Variants in ACCSL observed in about 807,000 individuals in gnomAD.
The protein encoded by ACCSL is probable inactive 1-aminocyclopropane-1-carboxylate synthase-like protein 2.
ACCSL carries 55 observed loss-of-function variants against 61.7 expected under a neutral mutation model. The observed-to-expected ratio is 0.89, with a 90% confidence interval of 0.72 to 1.12. The LOEUF is 1.12. Ranked by LOEUF, ACCSL falls within the 50% of genes most tolerant of loss-of-function variation. The probability of loss-of-function intolerance (pLI) is 0.00; values close to 1 mark genes in which losing one functional copy is unlikely to be tolerated. For missense variants in ACCSL, 632 were observed against 698.0 expected, an observed-to-expected ratio of 0.91 and a Z score of 1.07; for synonymous variants, 258 against 264.3, an observed-to-expected ratio of 0.98 and a Z score of 0.23.
intron 11 of ACCSL, 110 bp downstream of exon 11, chr11:44,056,436 C>A (rs2134775628): frequency 7.4e-7 from 1 of 1,354,110 alleles, no homozygotes; most frequent in Non-Finnish European, 9.9e-7. Flanking sequence ...GACCCTATTT[C>A]CTGTCTCAGA....
At chr11:43,971,709 A>C in the ACCSL span, among the ~76,000 whole-genome samples, 6 of 152,174 alleles carry the variant, frequency 3.9e-5, no homozygotes, top group Non-Finnish European at 8.8e-5. Context: ...ACTAGGTGTG[A>C]AGGTCCTGTC....
At chr11:44,013,655 T>C in the ACCSL span, among the ~76,000 whole-genome samples, 4 of 152,344 alleles carry the variant, frequency 2.6e-5, no homozygotes, top group South Asian at 2.1e-4. Flanking sequence ...TATGAAAATA[T>C]ATTACGTATT....
At chr11:43,926,328 C>T in the ACCSL span, 1 of 296,124 alleles carries the variant, frequency 3.4e-6, no homozygotes, top group East Asian at 9.3e-5. Flanking sequence ...ATTCCAGTGC[C>T]TTGTCCCCTT....
Position 44,058,355 on chromosome 11 carries a change from C to T in ACCSL, c.1366C>T (p.Arg456Trp), listed in dbSNP as rs180771966. Residue 456 changes from arginine to tryptophan, a missense_variant, in exon 12 of 14, where the codon CGG (arginine) becomes TGG (tryptophan). By Grantham distance (101) the Arg-to-Trp change is moderately radical. Coordinates refer to ENST00000378832, the MANE Select transcript of ACCSL (RefSeq NM_001031854.2). ...DKVYLPTNCYRLREAHKYITA... is the reference protein window; with the variant it reads ...DKVYLPTNCYWLREAHKYITA... The stretch of plus-strand genomic sequence containing the variant: ...AGTATACCTACCCACCAATTGCTAC[C>T]GGCTCCGGGAAGCTCACAAGTACAT... 193 of 1,614,066 alleles carry T rather than the reference C, an allele frequency of 1.2e-4. No homozygotes were observed. The East Asian group carries it at 2.1e-3, about 18-fold the overall frequency.
At chr11:43,943,047 C>T in the ACCSL span, 4 of 1,497,898 alleles carry the variant, frequency 2.7e-6, no homozygotes, top group Non-Finnish European at 3.6e-6. The surrounding 1 kb of genome is among the most constrained non-coding windows in gnomAD (Gnocchi z 4.8). Context: ...CTGCGGCGGC[C>T]GCGCCAGTCT....
At chr11:43,984,707 G>T in the ACCSL span, among the ~76,000 whole-genome samples, 1 of 152,250 alleles carries the variant, frequency 6.6e-6, no homozygotes, top group Non-Finnish European at 1.5e-5. Context: ...TGCCTTTCCC[G>T]TTGGCCACAT....
chr11:44,041,022 C>T, the ACCSL span, among the ~76,000 whole-genome samples: 521 of 152,212 alleles, frequency 3.4e-3, 1 homozygote, highest in Non-Finnish European at 3.7e-3. Flanking sequence ...TGGTACCCTC[C>T]TAATAGGACT....
chr11:44,053,635 G>T, intron 8 of ACCSL, 129 bp downstream of exon 8: 1 of 798,664 alleles, frequency 1.3e-6, no homozygotes, highest in Admixed American at 2.3e-5. Flanking sequence ...GGCCGAGAAG[G>T]TGGATCACTT....
chr11:43,972,100 G>T, the ACCSL span, among the ~76,000 whole-genome samples: 2 of 152,288 alleles, frequency 1.3e-5, no homozygotes, highest in South Asian at 2.1e-4. Context: ...ATAAATACTT[G>T]TCAACTGCAT....
chr11:44,012,830 G>A, the ACCSL span, among the ~76,000 whole-genome samples: 1 of 152,230 alleles, frequency 6.6e-6, no homozygotes, highest in Non-Finnish European at 1.5e-5. Context: ...GTGGTGAAAT[G>A]TTATGAAAGC....
chr11:43,975,363 A>T, the ACCSL span, among the ~76,000 whole-genome samples: 6 of 152,254 alleles, frequency 3.9e-5, no homozygotes, highest in African/African-American at 1.4e-4. Flanking sequence ...CTGACTTTAA[A>T]AAAGGCTAAA....
chr11:44,046,565 C>T (rs1466498914), upstream of ACCSL, among the ~76,000 whole-genome samples: 7 of 152,224 alleles, frequency 4.6e-5, no homozygotes, highest in Admixed American at 1.3e-4. Flanking sequence ...GGGAACATCA[C>T]AGGCAAACTG....
At chr11:43,950,474 G>A in the ACCSL span, among the ~76,000 whole-genome samples, 3 of 152,196 alleles carry the variant, frequency 2.0e-5, no homozygotes, top group East Asian at 1.9e-4. Flanking sequence ...AGGCCATCTC[G>A]CCATTCAGCT....
chr11:43,962,289 C>T, the ACCSL span, among the ~76,000 whole-genome samples: 1 of 152,204 alleles, frequency 6.6e-6, no homozygotes, highest in Non-Finnish European at 1.5e-5. Flanking sequence ...AAATTCTCTC[C>T]TGCAATAGCC....
the ACCSL span, among the ~76,000 whole-genome samples, chr11:44,027,059 A>C: frequency 5.3e-5 from 8 of 152,156 alleles, no homozygotes; most frequent in Non-Finnish European, 1.0e-4. Flanking sequence ...ATTCTTTATC[A>C]TGCGTGATCC....
the ACCSL span, among the ~76,000 whole-genome samples, chr11:44,035,936 TAAAAA>T: frequency 1.0e-4 from 8 of 79,088 alleles, no homozygotes; most frequent in Admixed American, 1.5e-4. Flanking sequence ...AGACTCTGTG[TAAAAA>T]AAAAAAAAAA....
chr11:44,010,477 G>GT, the ACCSL span, among the ~76,000 whole-genome samples: 2 of 152,192 alleles, frequency 1.3e-5, no homozygotes, highest in Non-Finnish European at 2.9e-5. Context: ...GTTAATGCAG[G>GT]TTTTTCAGAG....
At chr11:43,932,560 G>T in the ACCSL span, among the ~76,000 whole-genome samples, 1 of 152,166 alleles carries the variant, frequency 6.6e-6, no homozygotes, top group African/African-American at 2.4e-5. Context: ...GTGAGTCACG[G>T]CACCCAGCTG....
At chr11:43,994,681 G>C in the ACCSL span, among the ~76,000 whole-genome samples, 2 of 152,060 alleles carry the variant, frequency 1.3e-5, no homozygotes, top group Non-Finnish European at 2.9e-5. Context: ...TGTTCAGGCT[G>C]AAGTGCAGTG....
Sources: gnomAD v4.1 joint callset for allele counts (sites outside exome capture counted in the v4.1 genomes callset) on GRCh38, gnomAD v4.1.1 for gene constraint, Gnocchi (gnomAD v3.1) non-coding constraint, MANE v1.5 for transcripts, NCBI Gene and HGNC (gene_info 2026-07-23, HGNC 2026-07-21) for gene names.